Variants in ADCY8 observed in about 807,000 individuals in gnomAD.
The protein encoded by ADCY8 is adenylate cyclase type 8.
In ADCY8, 51 loss-of-function variants were observed where a neutral mutation model predicts 119.7. That is an observed-to-expected ratio of 0.43 (90% CI 0.34 to 0.54). The LOEUF (loss-of-function observed/expected upper bound fraction) is 0.54. ADCY8 is among the 20% of genes least tolerant of loss of function. ADCY8 has a pLI of 0.03. For missense variants in ADCY8, 1,383 were observed against 1,598.8 expected (o/e 0.87, Z 2.30); for synonymous variants, 665 against 651.0 (o/e 1.02, Z -0.33).
chr8:131,010,419 T>C (rs546970379), intron 1 of ADCY8, among the ~76,000 whole-genome samples: 2 of 152,300 alleles, frequency 1.3e-5, no homozygotes, highest in African/African-American at 2.4e-5. Context: ...CTCTTTGAAT[T>C]TGAGTTGTAC....
intron 11 of ADCY8, among the ~76,000 whole-genome samples, chr8:130,845,102 A>G (rs1817256599): frequency 6.6e-6 from 1 of 152,208 alleles, no homozygotes; most frequent in South Asian, 2.1e-4. Flanking sequence ...CCAATAAGGA[A>G]GGCCCTACTT....
Position 130,884,715 on chromosome 8 carries a change from T to C in ADCY8, c.1958A>G (p.His653Arg), listed in dbSNP as rs1818912162. 1 of 1,613,936 alleles carries C rather than the reference T, an allele frequency of 6.2e-7. No individual in the cohort carries two copies. Among genetic ancestry groups the C allele is most frequent in the Non-Finnish European group, 8.5e-7 (1 of 1,179,834 alleles). ...TRNSINLLPN[H>R]LAQALHVQSG... Reference sequence around the variant, plus strand: ...CTGGACATGCAAAGCTTGTGCAAGATGGTTTGGAAGCAGATTTATTGAATT... The same window carrying C: ...CTGGACATGCAAAGCTTGTGCAAGACGGTTTGGAAGCAGATTTATTGAATT... The change falls in exon 8 of 18, where the codon CAT (histidine) becomes CGT (arginine). Residue 653 changes from histidine to arginine, a missense_variant. Coordinates refer to ENST00000286355, the MANE Select transcript of ADCY8 (RefSeq NM_001115.3).
intron 2 of ADCY8, among the ~76,000 whole-genome samples, chr8:130,952,883 G>A (rs76622154): frequency 0.08 from 12,199 of 152,148 alleles, 550 homozygotes; most frequent in Middle Eastern, 0.14. Context: ...CAGAAACAGC[G>A]AACATACAAA....
chr8:130,925,419 C>G (rs976807048), intron 5 of ADCY8, among the ~76,000 whole-genome samples: 4 of 152,034 alleles, frequency 2.6e-5, no homozygotes, highest in African/African-American at 9.7e-5. Context: ...TTGAATTTTC[C>G]TATTTGAAAT....
chr8:130,832,613 C>A (rs377593656), intron 12 of ADCY8, among the ~76,000 whole-genome samples: 15 of 152,102 alleles, frequency 9.9e-5, no homozygotes, highest in South Asian at 2.1e-4. Context: ...AAGAGTAAGG[C>A]AATAGAAGAC....
At position 130,925,713 on chromosome 8, in the gene ADCY8, T is replaced by C. The variant is rs779808383; in HGVS notation, c.1481+11360A>G. On this transcript the variant is annotated intron_variant, in intron 5 of 17. Coordinates refer to ENST00000286355, the MANE Select transcript of ADCY8 (RefSeq NM_001115.3). ...TGACTGGAATTCTTGGAGTAGTCAA[T>C]TGAAAATTAGTTTAATGTCATGATA... Among the ~76,000 whole-genome samples the C allele has an allele frequency of 2.0e-5, 3 of 152,224 alleles. 1 individual carries two copies. Among genetic ancestry groups the C allele is most frequent in the Admixed American group, 1.3e-4 (2 of 15,286 alleles).
intron 12 of ADCY8, among the ~76,000 whole-genome samples, chr8:130,833,029 G>T (rs1007865778): frequency 3.9e-5 from 6 of 152,130 alleles, no homozygotes; most frequent in African/African-American, 1.2e-4. Flanking sequence ...TTACTCTAAA[G>T]GTGGCTTATT....
chr8:130,949,856 A>G (rs1205154303), intron 3 of ADCY8, among the ~76,000 whole-genome samples: 1 of 152,132 alleles, frequency 6.6e-6, no homozygotes, highest in Non-Finnish European at 1.5e-5. Context: ...TATGTGTGGG[A>G]CCAATTCCTA....
intron 14 of ADCY8, among the ~76,000 whole-genome samples, chr8:130,809,075 A>G (rs2130146867): frequency 6.6e-6 from 1 of 152,266 alleles, no homozygotes. Flanking sequence ...AAGCTGCCAG[A>G]ATGTTGGTGT....
intron 1 of ADCY8, among the ~76,000 whole-genome samples, chr8:131,014,469 C>T (rs1343412464): frequency 6.6e-6 from 1 of 152,082 alleles, no homozygotes; most frequent in African/African-American, 2.4e-5. Flanking sequence ...AATAAATATG[C>T]TTATTTTAGA....
At chr8:130,929,179 C>T (rs1369052877) in intron 5 of ADCY8, among the ~76,000 whole-genome samples, 1 of 151,202 alleles carries the variant, frequency 6.6e-6, no homozygotes, top group Admixed American at 6.6e-5. Context: ...TATTTTCTTT[C>T]TTCTACTAAC....
At chr8:131,016,875 C>T (rs1277203444) in intron 1 of ADCY8, among the ~76,000 whole-genome samples, 2 of 151,962 alleles carry the variant, frequency 1.3e-5, no homozygotes, top group African/African-American at 4.8e-5. Context: ...AGCCATTGGC[C>T]CATCTGCTAA....
At chr8:130,979,286 T>C (rs778737022) in intron 2 of ADCY8, among the ~76,000 whole-genome samples, 5 of 152,186 alleles carry the variant, frequency 3.3e-5, no homozygotes. Flanking sequence ...TCTTTTCCTC[T>C]GGGTAGCTTT....
chr8:130,812,283 G>T (rs1816193220), intron 14 of ADCY8, among the ~76,000 whole-genome samples: 1 of 149,378 alleles, frequency 6.7e-6, no homozygotes, highest in Non-Finnish European at 1.5e-5. Flanking sequence ...TGACCATTAG[G>T]CTCTGTCTAG....
At chr8:130,886,892 TGG>T (rs1300315686) in intron 7 of ADCY8, among the ~76,000 whole-genome samples, 1 of 152,072 alleles carries the variant, frequency 6.6e-6, no homozygotes, top group Non-Finnish European at 1.5e-5. Context: ...AAAAATAGTT[TGG>T]GGATTGATTT....
intron 3 of ADCY8, among the ~76,000 whole-genome samples, chr8:130,950,941 G>T (rs1193758953): frequency 6.6e-6 from 1 of 152,230 alleles, no homozygotes; most frequent in East Asian, 1.9e-4. Flanking sequence ...CTCGTGATCC[G>T]CCCACCTTGG....
At chr8:130,804,454 TAC>T (rs1210393309) in intron 14 of ADCY8, among the ~76,000 whole-genome samples, 1 of 152,232 alleles carries the variant, frequency 6.6e-6, no homozygotes, top group African/African-American at 2.4e-5. Flanking sequence ...TGTCTCTAAA[TAC>T]AGTTACATTT....
At chr8:130,828,634 A>G (rs546263405) in intron 12 of ADCY8, among the ~76,000 whole-genome samples, 1 of 152,300 alleles carries the variant, frequency 6.6e-6, no homozygotes, top group Non-Finnish European at 1.5e-5. Context: ...CCCTCTACTA[A>G]AAACCAGGCT....
intron 8 of ADCY8, among the ~76,000 whole-genome samples, chr8:130,873,905 A>G (rs941804850): frequency 6.6e-6 from 1 of 152,174 alleles, no homozygotes; most frequent in African/African-American, 2.4e-5. Flanking sequence ...AAAATTCTCA[A>G]CTGGGATAAC....
Sources: allele counts gnomAD v4.1 joint callset (sites outside exome capture counted in the v4.1 genomes callset), GRCh38; gene constraint gnomAD v4.1.1; transcripts MANE v1.5; gene names NCBI Gene and HGNC (gene_info 2026-07-23, HGNC 2026-07-21).